ISLR2: variants seen among roughly 807,000 people sequenced by gnomAD.
ISLR2 encodes immunoglobulin superfamily containing leucine-rich repeat protein 2.
In ISLR2, 16 loss-of-function variants were observed where a neutral mutation model predicts 25.5. The observed-to-expected ratio is 0.63, with a 90% CI of 0.43 to 0.95. ISLR2 has a LOEUF of 0.95. ISLR2 is among the 40% of genes least tolerant of loss of function. ISLR2 has a pLI of 0.00. For missense variants in ISLR2, 883 were observed against 1,030.7 expected (o/e 0.86, Z 1.96); for synonymous variants, 508 against 486.6 (o/e 1.04, Z -0.58).
At chr15:74,117,817 C>G (rs1476331771) in intron 2 of ISLR2, among the ~76,000 whole-genome samples, 1 of 152,216 alleles carries the variant, frequency 6.6e-6, no homozygotes, top group Non-Finnish European at 1.5e-5. Flanking sequence ...AGCCTTCCTA[C>G]CAATTAAGTT....
At chr15:74,122,011 G>A (rs903491058) in intron 2 of ISLR2, among the ~76,000 whole-genome samples, 6 of 152,210 alleles carry the variant, frequency 3.9e-5, no homozygotes, top group African/African-American at 9.6e-5. Flanking sequence ...CTGAAGTGGG[G>A]GCGCCTGTCC....
intron 1 of ISLR2, among the ~76,000 whole-genome samples, chr15:74,100,888 TA>T (rs993884873): frequency 1.6e-4 from 23 of 147,052 alleles, no homozygotes; most frequent in African/African-American, 1.8e-4. Context: ...GTCTGATGGG[TA>T]AAAAAAAAAT....
chr15:74,100,935 G>A (rs1487812857), intron 1 of ISLR2, among the ~76,000 whole-genome samples: 1 of 143,614 alleles, frequency 7.0e-6, no homozygotes, highest in Non-Finnish European at 1.5e-5. Flanking sequence ...CTGATTACTG[G>A]TAGCTTTGAG....
chr15:74,132,938 A>G lies in ISLR2; in HGVS notation c.184A>G (p.Lys62Glu), dbSNP rs1222823721. Residue 62 changes from lysine (K) to glutamate (E), a missense_variant, in exon 3 of 3, where the codon AAG becomes GAG. Around this residue, in one of 2 missense-constraint regions of ISLR2, gnomAD observed 271 missense variants for 387.9 expected, o/e 0.70. Coordinates refer to ENST00000453268, the MANE Select transcript of ISLR2 (RefSeq NM_020851.3). This position sits in a 1 kb window ranked among gnomAD's most constrained non-coding sequence, Gnocchi z 4.3. Reference protein sequence around the residue: ...NVTTLSLSANKITVLRRGAFA... With the variant: ...NVTTLSLSANEITVLRRGAFA... ...GACGACGCTTAGTCTGTCCGCGAAC[A>G]AGATCACTGTGCTGCGGCGCGGGGC... is the stretch of plus-strand genomic sequence containing the variant. 1 of 1,614,086 alleles carries G rather than the reference A, an allele frequency of 6.2e-7. No homozygotes were observed.
chr15:74,136,530 AAGTGTGACC>A lies in ISLR2; in HGVS notation c.*1539_*1547del, dbSNP rs2072568560. On this transcript the variant is annotated 3_prime_UTR_variant, in exon 3 of 3. Coordinates refer to ENST00000453268, the MANE Select transcript of ISLR2 (RefSeq NM_020851.3). ...GTAGGAGAAAAGTCTGTGTCCTGTG[AAGTGTGACC>A]GTGTAGTGTAGGGGGGCGGGCGGGG... 6.8e-6 allele frequency: 1 copy of A among 147,512 alleles called. No individual in the cohort carries two copies. Among genetic ancestry groups the A allele is most frequent in the African/African-American group, 2.7e-5 (1 of 37,676 alleles). The allele number at this position is 147,512 out of a possible 1,614,324, so 9.1% of individuals were successfully genotyped here.
chr15:74,122,380 A>G (rs1271045716), intron 2 of ISLR2, among the ~76,000 whole-genome samples: 1 of 152,218 alleles, frequency 6.6e-6, no homozygotes, highest in Non-Finnish European at 1.5e-5. Flanking sequence ...GAGAGGGGAA[A>G]GTGCTTGGGA....
chr15:74,126,834 C>G (rs1465247922), upstream of ISLR2: 1 of 152,072 alleles, frequency 6.6e-6, no homozygotes, highest in Non-Finnish European at 1.5e-5. Flanking sequence ...GAGGAGTGAT[C>G]TTTCGACTGG....
Position 74,134,428 on chromosome 15 carries a change from G to A in ISLR2, c.1674G>A (p.Leu558=). The change falls in exon 3 of 3, where the codon CTG becomes CTA. Residue 558 remains leucine (L), a synonymous_variant. Transcript: ENST00000453268. ...TCAACGCCTACTGGTTCCGCGGCCT[G>A]CGGCCGGGTACCAACTACTCCGTGT... ...EGVNAYWFRG[L]RPGTNYSVCL... is the part of the protein sequence containing the mutation. 1.2e-6 allele frequency: 2 copies of A among 1,610,908 alleles called. No homozygotes were observed. The highest frequency in any genetic ancestry group is 1.1e-5 in the South Asian group (1 of 90,802).
chr15:74,140,774 T>C (rs973596184), downstream of ISLR2, among the ~76,000 whole-genome samples: 32 of 152,258 alleles, frequency 2.1e-4, no homozygotes, highest in Non-Finnish European at 1.8e-4. Flanking sequence ...ATTTCAGTTG[T>C]AATGTGTCAA....
At chr15:74,119,713 A>T (rs1193204931) in intron 2 of ISLR2, among the ~76,000 whole-genome samples, 1 of 152,346 alleles carries the variant, frequency 6.6e-6, no homozygotes, top group Non-Finnish European at 1.5e-5. Flanking sequence ...GAACACTGGA[A>T]ATATACACAA....
At chr15:74,120,271 G>A (rs2072242386) in intron 2 of ISLR2, among the ~76,000 whole-genome samples, 1 of 152,206 alleles carries the variant, frequency 6.6e-6, no homozygotes, top group Non-Finnish European at 1.5e-5. Context: ...ATGCCAGGCA[G>A]TAGGATGAAG....
chr15:74,108,358 T>C (rs959583776), intron 2 of ISLR2, among the ~76,000 whole-genome samples: 1 of 152,134 alleles, frequency 6.6e-6, no homozygotes, highest in Non-Finnish European at 1.5e-5. Context: ...AACAAGTCCC[T>C]GTGTGTCCCC....
At chr15:74,136,907 T>A (rs1218214494), downstream of ISLR2, 3 of 160,752 alleles carry the variant, frequency 1.9e-5, no homozygotes, top group East Asian at 5.8e-4. Context: ...CGTTGGAATC[T>A]TTTGAGTGAT....
At chr15:74,100,923 G>C (rs1438790822) in intron 1 of ISLR2, among the ~76,000 whole-genome samples, 8 of 146,982 alleles carry the variant, frequency 5.4e-5, no homozygotes, top group African/African-American at 2.0e-4. Context: ...TGCAGTGGTA[G>C]TCTGATTACT....
At chr15:74,141,556 A>C (rs2141971244), downstream of ISLR2, among the ~76,000 whole-genome samples, 1 of 152,328 alleles carries the variant, frequency 6.6e-6, no homozygotes, top group Admixed American at 6.5e-5. Context: ...TATTAGTATA[A>C]ATACTAATAA....
chr15:74,129,027 G>C (rs1386185010), upstream of ISLR2: 1 of 456,720 alleles, frequency 2.2e-6, no homozygotes, highest in Admixed American at 2.3e-5. This position sits in a 1 kb window ranked among gnomAD's most constrained non-coding sequence, Gnocchi z 4.5. Flanking sequence ...ACGGGTCACA[G>C]TGCTCTCACC....
chr15:74,102,578 A>G (rs1191615156), intron 1 of ISLR2, among the ~76,000 whole-genome samples: 1 of 151,408 alleles, frequency 6.6e-6, no homozygotes, highest in East Asian at 1.9e-4. Context: ...GCTGGGCCCC[A>G]CACCAGAGTT....
chr15:74,138,916 C>G (rs1271191264), downstream of ISLR2, among the ~76,000 whole-genome samples: 3 of 152,230 alleles, frequency 2.0e-5, no homozygotes, highest in Non-Finnish European at 4.4e-5. Context: ...CTTCTGGGAA[C>G]AGGCCTGGCT....
downstream of ISLR2, among the ~76,000 whole-genome samples, chr15:74,140,586 T>C (rs183839032): frequency 6.6e-6 from 1 of 152,176 alleles, no homozygotes; most frequent in African/African-American, 2.4e-5. Context: ...TCTGCAGAAA[T>C]CCAAGCCTGT....
Sources: allele counts gnomAD v4.1 joint callset (sites outside exome capture counted in the v4.1 genomes callset), GRCh38; gene constraint gnomAD v4.1.1; regional missense constraint gnomAD v4.1.1; non-coding constraint Gnocchi (gnomAD v3.1); transcripts MANE v1.5; gene names NCBI Gene and HGNC (gene_info 2026-07-23, HGNC 2026-07-21).